SPTLC3: variants seen among roughly 807,000 people sequenced by gnomAD.
SPTLC3 encodes serine palmitoyltransferase 3.
SPTLC3 carries 36 observed loss-of-function variants against 59.3 expected under a neutral mutation model. The ratio of observed to expected loss-of-function variants is 0.61; its 90% CI spans 0.47 to 0.80. The LOEUF (loss-of-function observed/expected upper bound fraction) is 0.80, where lower values mean the gene tolerates loss of function less well. SPTLC3 is among the 30% of genes least tolerant of loss of function. The probability of loss-of-function intolerance (pLI) is 0.00; values close to 1 mark genes in which losing one functional copy is unlikely to be tolerated. For missense variants in SPTLC3, 625 were observed against 685.1 expected (o/e 0.91, Z 0.98); for synonymous variants, 257 against 240.8 (o/e 1.07, Z -0.62).
chr20:13,055,237 G>T (rs1199588751), intron 2 of SPTLC3, among the ~76,000 whole-genome samples: 1 of 151,946 alleles, frequency 6.6e-6, no homozygotes, highest in African/African-American at 2.4e-5. Flanking sequence ...GGACATAAAG[G>T]TTCTTGAGTT....
At chr20:13,119,215 G>A (rs1990762982) in intron 8 of SPTLC3, among the ~76,000 whole-genome samples, 2 of 152,182 alleles carry the variant, frequency 1.3e-5, no homozygotes, top group South Asian at 2.1e-4. Flanking sequence ...TTTTAACGAA[G>A]CATAACTCTA....
chr20:13,158,946 C>G (rs1490672387), intron 10 of SPTLC3, among the ~76,000 whole-genome samples: 1 of 152,204 alleles, frequency 6.6e-6, no homozygotes, highest in East Asian at 1.9e-4. Flanking sequence ...AAATAATACA[C>G]CAGCAATCTC....
chr20:13,102,520 T>A (rs549144405), intron 6 of SPTLC3, among the ~76,000 whole-genome samples: 9 of 152,272 alleles, frequency 5.9e-5, no homozygotes, highest in African/African-American at 1.9e-4. Flanking sequence ...ACACGCTACC[T>A]CCTTTCCTGG....
chr20:13,088,622 C>G (rs1468462572), intron 4 of SPTLC3, among the ~76,000 whole-genome samples: 1 of 149,632 alleles, frequency 6.7e-6, no homozygotes, highest in Non-Finnish European at 1.5e-5. Flanking sequence ...CGTGCCTGGC[C>G]TTTGTTTTTG....
At chr20:13,103,495 C>A (rs1600281183) in intron 6 of SPTLC3, among the ~76,000 whole-genome samples, 1 of 152,164 alleles carries the variant, frequency 6.6e-6, no homozygotes. Context: ...TTTTCATTTA[C>A]AAAATATGAG....
intron 4 of SPTLC3, among the ~76,000 whole-genome samples, chr20:13,082,935 T>C (rs1407416360): frequency 6.6e-6 from 1 of 152,204 alleles, no homozygotes; most frequent in Admixed American, 6.6e-5. Context: ...TAATTTCTCA[T>C]GTCCAGGTGA....
intron 4 of SPTLC3, among the ~76,000 whole-genome samples, chr20:13,081,910 A>G (rs1378509282): frequency 1.3e-5 from 2 of 152,180 alleles, no homozygotes; most frequent in East Asian, 3.8e-4. Flanking sequence ...AGAAAAATGA[A>G]AGCATATCTT....
At chr20:13,031,562 G>A (rs1986450213) in intron 1 of SPTLC3, among the ~76,000 whole-genome samples, 1 of 152,198 alleles carries the variant, frequency 6.6e-6, no homozygotes, top group Non-Finnish European at 1.5e-5. Flanking sequence ...ATGGCACTTG[G>A]CTAGACTTCT....
At chr20:13,036,937 T>C (rs1172970558) in intron 1 of SPTLC3, among the ~76,000 whole-genome samples, 3 of 152,154 alleles carry the variant, frequency 2.0e-5, no homozygotes. Context: ...TTTGTTATTC[T>C]CTCATAGCAA....
rs191348203 is a variant in SPTLC3, at chr20:13,044,728, G to A, written c.118-4217G>A. Among the ~76,000 whole-genome samples the A allele has an allele frequency of 6.2e-4, 95 of 152,156 alleles. 2 individuals are homozygous for A. Among genetic ancestry groups the A allele is most frequent in the South Asian group, 3.3e-3 (16 of 4,812 alleles). The stretch of plus-strand genomic sequence containing the variant: ...ATACTATCTCACTTAATTTTCAAAA[G>A]TGACCTTTACTAGCCCCACTTAGCA... On this transcript the variant is annotated intron_variant, in intron 1 of 11. Coordinates refer to ENST00000399002, the MANE Select transcript of SPTLC3 (RefSeq NM_018327.4).
At chr20:13,061,746 C>T (rs185580937) in intron 2 of SPTLC3, among the ~76,000 whole-genome samples, 175 of 152,168 alleles carry the variant, frequency 1.2e-3, no homozygotes, top group Non-Finnish European at 1.7e-3. Flanking sequence ...TACTTCTTAC[C>T]ACCCCTGCTG....
chr20:13,014,874 A>G (rs1985445981), intron 1 of SPTLC3, among the ~76,000 whole-genome samples: 1 of 151,930 alleles, frequency 6.6e-6, no homozygotes, highest in Non-Finnish European at 1.5e-5. Flanking sequence ...CTTTCCACAC[A>G]TGGGCTGAGC....
At position 13,166,752 on chromosome 20, in the gene SPTLC3, T is replaced by C. The variant is rs1384953092; in HGVS notation, c.*1885T>C. 6.6e-6 allele frequency: 1 copy of C among 152,188 alleles called. No homozygotes were observed. Among genetic ancestry groups the C allele is most frequent in the South Asian group, 2.1e-4 (1 of 4,830 alleles). The allele number at this position is 152,188 out of a possible 1,614,324, so 9.4% of individuals were successfully genotyped here. On this transcript the variant is annotated 3_prime_UTR_variant, in exon 12 of 12. Transcript: ENST00000399002. ...AAGGTATGGAAAGCAATAAACATCT[T>C]CCTTTCTTTCTGGATCTGTCTGTGA...
intron 11 of SPTLC3, among the ~76,000 whole-genome samples, chr20:13,160,950 T>A (rs1195925977): frequency 6.6e-6 from 1 of 152,164 alleles, no homozygotes; most frequent in Non-Finnish European, 1.5e-5. Context: ...ATTCAAGACT[T>A]CCAATCAGTG....
At chr20:13,154,651 A>AG (rs1301399615) in intron 10 of SPTLC3, among the ~76,000 whole-genome samples, 6 of 152,200 alleles carry the variant, frequency 3.9e-5, no homozygotes, top group Admixed American at 3.9e-4. Context: ...AGTAAAACTA[A>AG]GATGCAAAAA....
In SPTLC3 at chr20:13,097,199, G is replaced by T. The variant is rs1226574745; in HGVS notation, c.826+3622G>T. Among the ~76,000 whole-genome samples the T allele has an allele frequency of 2.0e-5, 3 of 152,028 alleles. No individual in the cohort carries two copies. In the East Asian group the frequency reaches 5.8e-4, roughly 29 times the overall value. ...GATGGCATTTGCAGTAGATGCTGAA[G>T]GATTAAGATAATTCTAATCAGGGAA... is the stretch of plus-strand genomic sequence containing the variant. On this transcript the variant is annotated intron_variant, in intron 6 of 11. Coordinates refer to ENST00000399002, the MANE Select transcript of SPTLC3 (RefSeq NM_018327.4).
intron 7 of SPTLC3, among the ~76,000 whole-genome samples, chr20:13,111,406 G>A (rs1990225333): frequency 6.6e-6 from 1 of 152,324 alleles, no homozygotes; most frequent in African/African-American, 2.4e-5. Context: ...CTGCAGTAGT[G>A]TGTGACTGGC....
chr20:13,039,497 C>T (rs560733646), intron 1 of SPTLC3, among the ~76,000 whole-genome samples: 45 of 152,130 alleles, frequency 3.0e-4, no homozygotes, highest in Middle Eastern at 6.8e-3. Context: ...AACTTGTTTG[C>T]ATCTCTGAAT....
intron 2 of SPTLC3, among the ~76,000 whole-genome samples, chr20:13,063,857 T>C (rs1445969397): frequency 6.6e-6 from 1 of 151,838 alleles, no homozygotes; most frequent in Non-Finnish European, 1.5e-5. Flanking sequence ...GTTTTCTCCA[T>C]GTTGACCAGG....
Sources: allele counts gnomAD v4.1 joint callset (sites outside exome capture counted in the v4.1 genomes callset), GRCh38; gene constraint gnomAD v4.1.1; transcripts MANE v1.5; gene names NCBI Gene and HGNC (gene_info 2026-07-23, HGNC 2026-07-21).